EVI5: variants seen among roughly 807,000 people sequenced by gnomAD.
EVI5 encodes ecotropic viral integration site 5.
Under a neutral mutation model 112.0 loss-of-function variants are expected in EVI5, and 73 were observed. That is an observed-to-expected ratio of 0.65 (90% confidence interval 0.54 to 0.79). The LOEUF is 0.79. Ranked by LOEUF, EVI5 falls within the 30% of genes least tolerant of loss-of-function variation. EVI5 has a pLI of 0.00. For synonymous variants in EVI5, 305 were observed against 319.9 expected (o/e 0.95, Z 0.50); for missense variants, 900 against 968.8 (o/e 0.93, Z 0.94).
At chr1:92,674,702 T>G (rs1666433787) in intron 10 of EVI5, among the ~76,000 whole-genome samples, 1 of 145,204 alleles carries the variant, frequency 6.9e-6, no homozygotes, top group African/African-American at 2.5e-5. Context: ...AAAAAAAGTA[T>G]TCAGTTGAAA....
chr1:92,565,079 A>G (rs1459080988), intron 18 of EVI5, among the ~76,000 whole-genome samples: 1 of 152,228 alleles, frequency 6.6e-6, no homozygotes. Context: ...AATGTTAAGC[A>G]GCTCTGATCC....
intron 13 of EVI5, among the ~76,000 whole-genome samples, chr1:92,656,591 AG>A (rs1309163037): frequency 1.3e-5 from 2 of 152,156 alleles, no homozygotes; most frequent in Admixed American, 1.3e-4. Flanking sequence ...TAAGGATCAA[AG>A]AAATGAAAAG....
chr1:92,703,757 A>G (rs1671550075), intron 3 of EVI5, 138 bp from the exon 4 acceptor site: 7 of 611,712 alleles, frequency 1.1e-5, no homozygotes, highest in Admixed American at 3.4e-5. Context: ...TTATAATAAG[A>G]CTAGGGAACC....
chr1:92,625,760 C>T, intron 15 of EVI5, 34 bp downstream of exon 15: 1 of 1,599,280 alleles, frequency 6.3e-7, no homozygotes, highest in Non-Finnish European at 8.6e-7. Context: ...GTTTTACTCT[C>T]TTTTAAAAAA....
At chr1:92,570,951 G>A (rs1157352255) in intron 18 of EVI5, among the ~76,000 whole-genome samples, 1 of 151,662 alleles carries the variant, frequency 6.6e-6, no homozygotes, top group Non-Finnish European at 1.5e-5. Flanking sequence ...TAAAACAGAT[G>A]GAATATTTTT....
chr1:92,526,590 A>C (rs957794691), intron 19 of EVI5, among the ~76,000 whole-genome samples: 1 of 152,186 alleles, frequency 6.6e-6, no homozygotes, highest in African/African-American at 2.4e-5. Context: ...AAAGCAAAAG[A>C]AGCTTATCTG....
intron 13 of EVI5, among the ~76,000 whole-genome samples, chr1:92,654,938 A>G (rs938079538): frequency 1.3e-5 from 2 of 152,312 alleles, no homozygotes; most frequent in Admixed American, 1.3e-4. Flanking sequence ...AGAAAAAATA[A>G]TTTTCAAAAA....
At chr1:92,633,348 G>A (rs565152757) in intron 14 of EVI5, among the ~76,000 whole-genome samples, 7 of 152,160 alleles carry the variant, frequency 4.6e-5, no homozygotes, top group East Asian at 3.9e-4. Flanking sequence ...TTTATGAATC[G>A]GTTGCTCCTG....
At chr1:92,578,673 G>A (rs1297404455) in intron 18 of EVI5, among the ~76,000 whole-genome samples, 2 of 150,444 alleles carry the variant, frequency 1.3e-5, no homozygotes, top group East Asian at 2.0e-4. Context: ...AGCTGAGATC[G>A]CGCCACTGCA....
At chr1:92,759,862 C>A (rs1262688804) in intron 1 of EVI5, among the ~76,000 whole-genome samples, 12 of 141,872 alleles carry the variant, frequency 8.5e-5, no homozygotes, top group African/African-American at 2.3e-4. Context: ...AATACCCTCC[C>A]CCCCACATAC....
At chr1:92,659,035 T>A (rs1360688897) in intron 13 of EVI5, among the ~76,000 whole-genome samples, 8 of 152,076 alleles carry the variant, frequency 5.3e-5, no homozygotes, top group Non-Finnish European at 1.0e-4. Context: ...TGAAGAAGAA[T>A]GAAATTGGAT....
upstream of EVI5, among the ~76,000 whole-genome samples, chr1:92,786,030 G>C (rs1685601421): frequency 6.6e-6 from 1 of 151,560 alleles, no homozygotes; most frequent in South Asian, 2.1e-4. Context: ...GGTGGAGGTT[G>C]CAGTGAGCCA....
chr1:92,780,511 G>T (rs1252531826), intron 1 of EVI5, among the ~76,000 whole-genome samples: 1 of 152,172 alleles, frequency 6.6e-6, no homozygotes, highest in Non-Finnish European at 1.5e-5. Flanking sequence ...TTATTATAAA[G>T]TTACATTAAT....
chr1:92,588,564 A>G (rs1673178228), intron 18 of EVI5, among the ~76,000 whole-genome samples: 1 of 152,176 alleles, frequency 6.6e-6, no homozygotes, highest in Non-Finnish European at 1.5e-5. Context: ...TCTCATTCTC[A>G]CATTTTTCTC....
intron 18 of EVI5, among the ~76,000 whole-genome samples, chr1:92,588,539 C>T (rs557834563): frequency 4.1e-4 from 62 of 152,336 alleles, no homozygotes; most frequent in African/African-American, 1.5e-3. Flanking sequence ...TCCTCCATCC[C>T]TAATACCAAT....
At chr1:92,740,319 G>A (rs546583833) in intron 1 of EVI5, among the ~76,000 whole-genome samples, 1 of 152,322 alleles carries the variant, frequency 6.6e-6, no homozygotes, top group East Asian at 1.9e-4. Context: ...TGAGGACTAA[G>A]AGACTTTTCC....
chr1:92,689,644 A>T (rs1570367883), intron 9 of EVI5, among the ~76,000 whole-genome samples: 1 of 152,196 alleles, frequency 6.6e-6, no homozygotes, highest in East Asian at 1.9e-4. Flanking sequence ...AAAGGACTAC[A>T]GATGTTAAAC....
chr1:92,514,030 A>G, intron 19 of EVI5, 60 bp from the exon 20 acceptor site: 1 of 999,430 alleles, frequency 1.0e-6, no homozygotes, highest in Non-Finnish European at 1.5e-6. Flanking sequence ...CACGCCAAAA[A>G]GCAAACATTC....
intron 14 of EVI5, among the ~76,000 whole-genome samples, chr1:92,627,524 C>G (rs1655949260): frequency 6.6e-6 from 1 of 152,174 alleles, no homozygotes; most frequent in Admixed American, 6.5e-5. Flanking sequence ...TTTCTTCCCT[C>G]TGGGTAGACA....
Sources: allele counts gnomAD v4.1 joint callset (sites outside exome capture counted in the v4.1 genomes callset), GRCh38; gene constraint gnomAD v4.1.1; transcripts MANE v1.5; gene names NCBI Gene and HGNC (gene_info 2026-07-23, HGNC 2026-07-21).